The following MTMR2 variants were observed in gnomAD, a reference collection of about 807,000 sequenced individuals.
MTMR2 encodes phosphatidylinositol-3,5-bisphosphate 3-phosphatase MTMR2.
In MTMR2, 55 loss-of-function variants were observed where a neutral mutation model predicts 86.9. The observed-to-expected ratio is 0.63, with a 90% CI of 0.51 to 0.79. The LOEUF (loss-of-function observed/expected upper bound fraction) is 0.79, where lower values mean the gene tolerates loss of function less well. Among genes scored for constraint, MTMR2 ranks in the 30% least tolerant of loss-of-function variants. The probability of loss-of-function intolerance (pLI) is 0.00; values close to 1 mark genes in which losing one functional copy is unlikely to be tolerated. For missense variants in MTMR2, 659 were observed against 772.3 expected (o/e 0.85, Z 1.74); for synonymous variants, 241 against 266.8 (o/e 0.90, Z 0.94).
chr11:95,868,770 C>A (rs1654902452), intron 2 of MTMR2, among the ~76,000 whole-genome samples: 1 of 151,522 alleles, frequency 6.6e-6, no homozygotes, highest in Admixed American at 6.6e-5. Flanking sequence ...AAAAAATTAC[C>A]TTTGAAGAAA....
At chr11:95,875,224 C>G (rs1237769307) in intron 2 of MTMR2, among the ~76,000 whole-genome samples, 1 of 152,230 alleles carries the variant, frequency 6.6e-6, no homozygotes, top group African/African-American at 2.4e-5. Context: ...CCGTCACTTT[C>G]AGGTACACCA....
At chr11:95,852,289 C>T (rs1864050668) in intron 7 of MTMR2, among the ~76,000 whole-genome samples, 1 of 152,162 alleles carries the variant, frequency 6.6e-6, no homozygotes, top group Admixed American at 6.5e-5. Flanking sequence ...GTAGAGAATT[C>T]CATGAGCATT....
intron 13 of MTMR2, among the ~76,000 whole-genome samples, chr11:95,836,610 T>C (rs1366070425): frequency 6.6e-6 from 1 of 152,024 alleles, no homozygotes; most frequent in East Asian, 1.9e-4. Flanking sequence ...AAAGCAGCAT[T>C]ATTCATTAAC....
chr11:95,892,150 C>A (rs951528152), intron 1 of MTMR2, among the ~76,000 whole-genome samples: 2 of 152,144 alleles, frequency 1.3e-5, no homozygotes, highest in Admixed American at 1.3e-4. Flanking sequence ...CCTTGCTCAT[C>A]TTGAAGTCAA....
intron 1 of MTMR2, among the ~76,000 whole-genome samples, chr11:95,920,185 CCTCT>C (rs1204899930): frequency 1.3e-5 from 2 of 152,288 alleles, no homozygotes; most frequent in Admixed American, 1.3e-4. Context: ...TCCACAACTC[CCTCT>C]CTCTTTCTGT....
At chr11:95,898,824 A>AAGATTCT (rs1865971297) in intron 1 of MTMR2, among the ~76,000 whole-genome samples, 3 of 152,148 alleles carry the variant, frequency 2.0e-5, no homozygotes, top group Non-Finnish European at 4.4e-5. Flanking sequence ...AGTTGGCCAG[A>AAGATTCT]AGATTCTAAA....
intron 1 of MTMR2, among the ~76,000 whole-genome samples, chr11:95,914,040 T>A (rs1219841387): frequency 2.0e-5 from 3 of 152,114 alleles, no homozygotes; most frequent in Non-Finnish European, 4.4e-5. Context: ...AATAACTGGA[T>A]GACTAAAACT....
chr11:95,897,564 C>A (rs527310629), intron 1 of MTMR2, among the ~76,000 whole-genome samples: 19 of 152,160 alleles, frequency 1.2e-4, no homozygotes, highest in Middle Eastern at 3.4e-3. Context: ...AATTCAACAC[C>A]CTTACTTACA....
intron 12 of MTMR2, among the ~76,000 whole-genome samples, chr11:95,839,445 T>TTA (rs1317475440): frequency 6.6e-6 from 1 of 152,132 alleles, no homozygotes; most frequent in East Asian, 1.9e-4. Flanking sequence ...AAGCCTGCGA[T>TTA]TAGTTTTTCA....
At chr11:95,872,912 A>T (rs1864946792) in intron 2 of MTMR2, among the ~76,000 whole-genome samples, 2 of 152,230 alleles carry the variant, frequency 1.3e-5, no homozygotes, top group African/African-American at 2.4e-5. Flanking sequence ...ATGCTGGATT[A>T]CGTTTATTGA....
intron 1 of MTMR2, among the ~76,000 whole-genome samples, chr11:95,893,739 A>G (rs1312622894): frequency 6.6e-6 from 1 of 152,078 alleles, no homozygotes; most frequent in Non-Finnish European, 1.5e-5. Flanking sequence ...CACAGCTATC[A>G]CATCCAATCT....
chr11:95,841,465 A>G (rs1863542288), intron 12 of MTMR2, 152 bp downstream of exon 12: 1 of 714,358 alleles, frequency 1.4e-6, no homozygotes, highest in Non-Finnish European at 2.5e-6. Flanking sequence ...AACCTGATTC[A>G]TAATGTGACA....
At chr11:95,903,481 G>GA (rs918659377) in intron 1 of MTMR2, among the ~76,000 whole-genome samples, 6 of 151,962 alleles carry the variant, frequency 3.9e-5, no homozygotes, top group East Asian at 1.9e-4. Flanking sequence ...CGAGTTGACA[G>GA]AAAAAAAACA....
intron 1 of MTMR2, among the ~76,000 whole-genome samples, chr11:95,918,257 C>T (rs1252656439): frequency 6.6e-6 from 1 of 152,308 alleles, no homozygotes. Flanking sequence ...CTTGCTAAAA[C>T]ACCAACAGCT....
chr11:95,851,975 AAC>A (rs1197478098), intron 7 of MTMR2, among the ~76,000 whole-genome samples: 2 of 152,212 alleles, frequency 1.3e-5, no homozygotes, highest in African/African-American at 2.4e-5. Context: ...GGATTAATAA[AAC>A]AACTGAAATT....
intron 2 of MTMR2, among the ~76,000 whole-genome samples, chr11:95,874,882 T>C (rs1418228591): frequency 6.6e-6 from 1 of 152,196 alleles, no homozygotes; most frequent in African/African-American, 2.4e-5. Flanking sequence ...TATGAAATTC[T>C]GGGTTGAAAA....
At chr11:95,892,294 C>A (rs1201188690) in intron 1 of MTMR2, among the ~76,000 whole-genome samples, 1 of 152,036 alleles carries the variant, frequency 6.6e-6, no homozygotes, top group Non-Finnish European at 1.5e-5. Context: ...TCCTACCTAC[C>A]CTTTAAGACC....
At chr11:95,835,889 T>C (rs939801715) in intron 14 of MTMR2, among the ~76,000 whole-genome samples, 17 of 151,920 alleles carry the variant, frequency 1.1e-4, no homozygotes, top group African/African-American at 4.1e-4. Context: ...CAAGACCCCC[T>C]AGAGGTTATC....
intron 12 of MTMR2, among the ~76,000 whole-genome samples, chr11:95,839,585 C>T (rs1486117319): frequency 6.6e-6 from 1 of 152,090 alleles, no homozygotes; most frequent in Non-Finnish European, 1.5e-5. Flanking sequence ...CAGAAGAGAA[C>T]TATTTTGTTT....
Sources: allele counts gnomAD v4.1 joint callset (sites outside exome capture counted in the v4.1 genomes callset), GRCh38; gene constraint gnomAD v4.1.1; transcripts MANE v1.5; gene names NCBI Gene and HGNC (gene_info 2026-07-23, HGNC 2026-07-21).